TGFBR3: variants seen among roughly 807,000 people sequenced by gnomAD.
TGFBR3 encodes the protein transforming growth factor beta receptor 3.
In TGFBR3, 46 loss-of-function variants were observed where a neutral mutation model predicts 87.9. The observed-to-expected ratio is 0.52, with a 90% CI of 0.41 to 0.67. The LOEUF (loss-of-function observed/expected upper bound fraction) is 0.67. Among genes scored for constraint, TGFBR3 ranks in the 30% least tolerant of loss-of-function variants. TGFBR3 has a pLI of 0.00. For missense variants in TGFBR3, 866 were observed against 1,041.9 expected, an observed-to-expected ratio of 0.83 and a Z score of 2.32; for synonymous variants, 381 against 391.6, an observed-to-expected ratio of 0.97 and a Z score of 0.32.
chr1:91,743,320 T>C (rs1463711063), intron 4 of TGFBR3, among the ~76,000 whole-genome samples: 1 of 152,094 alleles, frequency 6.6e-6, no homozygotes, highest in African/African-American at 2.4e-5. Flanking sequence ...CCTTGACCCC[T>C]ACCCCAAAAA....
intron 4 of TGFBR3, among the ~76,000 whole-genome samples, chr1:91,748,443 G>C (rs1329969809): frequency 2.6e-5 from 4 of 152,186 alleles, no homozygotes; most frequent in African/African-American, 9.7e-5. Context: ...AAGGGGTCAA[G>C]AAACAGTTTT....
chr1:91,699,930 T>G (rs952068123), intron 14 of TGFBR3, among the ~76,000 whole-genome samples: 2 of 152,248 alleles, frequency 1.3e-5, no homozygotes, highest in African/African-American at 4.8e-5. Flanking sequence ...CCTATTTTTG[T>G]ATGGCCCATG....
At chr1:91,753,059 G>C (rs959667215) in intron 4 of TGFBR3, among the ~76,000 whole-genome samples, 2 of 150,992 alleles carry the variant, frequency 1.3e-5, no homozygotes, top group Non-Finnish European at 3.0e-5. Context: ...AAAAAAATCA[G>C]GTACATGGAA....
chr1:91,792,539 T>C (rs1394098409), intron 3 of TGFBR3, among the ~76,000 whole-genome samples: 1 of 152,140 alleles, frequency 6.6e-6, no homozygotes, highest in African/African-American at 2.4e-5. Context: ...AGCAATTAGA[T>C]AGGTCAGAAA....
At chr1:91,836,196 G>A (rs143843851) in intron 2 of TGFBR3, among the ~76,000 whole-genome samples, 7 of 152,214 alleles carry the variant, frequency 4.6e-5, no homozygotes, top group East Asian at 1.9e-4. Flanking sequence ...GCGGTGAGCC[G>A]AGATTGCACC....
At chr1:91,878,857 C>T (rs187751422) in intron 1 of TGFBR3, among the ~76,000 whole-genome samples, 4 of 152,318 alleles carry the variant, frequency 2.6e-5, no homozygotes, top group East Asian at 1.9e-4. Flanking sequence ...ACTCCAAAGG[C>T]CCCCTTCACT....
chr1:91,737,735 C>T (rs1369329956), intron 4 of TGFBR3, among the ~76,000 whole-genome samples: 1 of 152,130 alleles, frequency 6.6e-6, no homozygotes, highest in Non-Finnish European at 1.5e-5. Context: ...AGGGCAACAC[C>T]CCTAGCTTCT....
chr1:91,869,621 G>A (rs367800506), intron 1 of TGFBR3, among the ~76,000 whole-genome samples: 2 of 152,172 alleles, frequency 1.3e-5, no homozygotes, highest in Non-Finnish European at 2.9e-5. Flanking sequence ...CTGAGATCAC[G>A]CCACTGCATT....
At position 91,741,587 on chromosome 1, in the gene TGFBR3, G is replaced by A. The variant is rs1038391704; in HGVS notation, c.385-6628C>T. 1.1e-4 allele frequency among the ~76,000 whole-genome samples: 16 copies of A among 152,134 alleles called. 1 individual carries two copies. In the South Asian group the frequency reaches 1.5e-3, roughly 14 times the overall value. On this transcript the variant is annotated intron_variant, in intron 4 of 16. Coordinates refer to ENST00000212355, the MANE Select transcript of TGFBR3 (RefSeq NM_003243.5). ...GAAAGTTCTAACCTCTAATCACATG[G>A]TTGGTTCCCTTGGCAACCAGCCCCC... is the stretch of plus-strand genomic sequence containing the variant.
chr1:91,818,896 A>G (rs1228444802), intron 2 of TGFBR3, among the ~76,000 whole-genome samples: 1 of 152,114 alleles, frequency 6.6e-6, no homozygotes, highest in Non-Finnish European at 1.5e-5. Flanking sequence ...TTTCTTCCTC[A>G]AATACACTTG....
chr1:91,768,945 C>T (rs1557700794), intron 3 of TGFBR3, among the ~76,000 whole-genome samples: 1 of 152,256 alleles, frequency 6.6e-6, no homozygotes, highest in East Asian at 1.9e-4. Flanking sequence ...TCCCGTAACC[C>T]AATCCTTTGG....
chr1:91,748,849 A>G (rs1170653192), intron 4 of TGFBR3, among the ~76,000 whole-genome samples: 1 of 152,050 alleles, frequency 6.6e-6, no homozygotes, highest in African/African-American at 2.4e-5. Flanking sequence ...TCTTTGTCTC[A>G]GTTTCCTCAT....
intron 2 of TGFBR3, among the ~76,000 whole-genome samples, chr1:91,857,114 T>A (rs1371426381): frequency 6.6e-6 from 1 of 152,220 alleles, no homozygotes; most frequent in African/African-American, 2.4e-5. Context: ...CAAGCACTGC[T>A]GGGTCTGAAG....
intron 4 of TGFBR3, among the ~76,000 whole-genome samples, chr1:91,736,842 C>T (rs1672982840): frequency 6.6e-6 from 1 of 152,204 alleles, no homozygotes; most frequent in African/African-American, 2.4e-5. Flanking sequence ...GGATGTTCTG[C>T]TTCTTGTTTC....
rs57326419 is a variant in TGFBR3 at position 91,835,827 on chromosome 1, C to CAA, written c.61+25642_61+25643dup. On this transcript the variant is annotated intron_variant, in intron 2 of 16. Transcript: ENST00000212355. ...TGGGTGACAGAGCGAGACTCCACCTCAAAAAAAAAAAAAAAAAAAAAAAAA... is the reference window on the plus strand; with the variant it reads ...TGGGTGACAGAGCGAGACTCCACCTCAAAAAAAAAAAAAAAAAAAAAAAAAAA... Among the ~76,000 whole-genome samples, 107 of 74,762 alleles carry CAA rather than the reference C, an allele frequency of 1.4e-3. 16 individuals are homozygous for CAA. The highest frequency in any genetic ancestry group is 4.0e-3 in the African/African-American group (97 of 24,140). 49.0% of individuals were successfully genotyped at this position (74,762 alleles called of 152,430 possible). A position where few individuals can be genotyped will look rare whatever the true frequency, so the allele number is the denominator to read the frequency against.
chr1:91,718,730 T>C (rs980812004), intron 10 of TGFBR3, among the ~76,000 whole-genome samples: 9 of 152,200 alleles, frequency 5.9e-5, no homozygotes, highest in African/African-American at 2.2e-4. Context: ...TTGGGGGAAA[T>C]CTGTGGAATC....
At position 91,683,071 on chromosome 1, in the gene TGFBR3, C is replaced by A. The variant is rs1398623141; in HGVS notation, c.*668G>T. On this transcript the variant is annotated 3_prime_UTR_variant, in exon 17 of 17. Transcript: ENST00000212355. ...TGCAAGTATGGGAAGAAACAGGAAG[C>A]TGATAAGGTCATCAGCATTGGTTTT... is the stretch of plus-strand genomic sequence containing the variant. The A allele has an allele frequency of 4.4e-6, 2 of 454,334 alleles. No individual in the cohort carries two copies. Among genetic ancestry groups the A allele is most frequent in the Non-Finnish European group, 8.8e-6 (2 of 226,802 alleles). The allele number at this position is 454,334 out of a possible 1,614,324, so 28.1% of individuals were successfully genotyped here. A position where few individuals can be genotyped will look rare whatever the true frequency, so the allele number is the denominator to read the frequency against.
In TGFBR3 at chr1:91,852,606, G is replaced by A. The variant is rs533230380; in HGVS notation, c.61+8865C>T. On this transcript the variant is annotated intron_variant, in intron 2 of 16. Transcript: ENST00000212355. Reference sequence around the variant, plus strand: ...TTTGAGACCTAGTTTCGCTCTTGTTGCCCAGGCTGGAGTGCAGTGGCGCCA... The same window carrying A: ...TTTGAGACCTAGTTTCGCTCTTGTTACCCAGGCTGGAGTGCAGTGGCGCCA... Among the ~76,000 whole-genome samples, 6 of 152,174 alleles carry A rather than the reference G, an allele frequency of 3.9e-5. No individual in the cohort carries two copies. In the East Asian group the frequency reaches 1.2e-3, roughly 30 times the overall value.
intron 3 of TGFBR3, among the ~76,000 whole-genome samples, chr1:91,778,585 T>C (rs998262912): frequency 6.6e-6 from 1 of 152,282 alleles, no homozygotes; most frequent in East Asian, 1.9e-4. Context: ...AAAATATAAT[T>C]AATGAGAAAC....
Sources: allele counts gnomAD v4.1 joint callset (sites outside exome capture counted in the v4.1 genomes callset), GRCh38; gene constraint gnomAD v4.1.1; transcripts MANE v1.5; gene names NCBI Gene and HGNC (gene_info 2026-07-23, HGNC 2026-07-21).